The following DNAH11 variants were observed in gnomAD, a reference collection of about 807,000 sequenced individuals.
DNAH11 encodes the protein axonemal beta dynein heavy chain 11.
A neutral mutation model predicts 526.0 loss-of-function variants in DNAH11; 442 were observed. The observed-to-expected ratio is 0.84, with a 90% CI of 0.78 to 0.91. DNAH11 has a LOEUF of 0.91. Among genes scored for constraint, DNAH11 ranks in the 40% least tolerant of loss-of-function variants. DNAH11 has a pLI of 0.00. For synonymous variants in DNAH11, 2,461 were observed against 1,935.9 expected, an observed-to-expected ratio of 1.27 and a Z score of -7.12; for missense variants, 6,989 against 5,448.7, an observed-to-expected ratio of 1.28 and a Z score of -8.90.
At chr7:21,866,178 C>A (rs183671632) in intron 70 of DNAH11, among the ~76,000 whole-genome samples, 1 of 152,138 alleles carries the variant, frequency 6.6e-6, no homozygotes, top group African/African-American at 2.4e-5. Flanking sequence ...GTGGTTCAAA[C>A]GCCTCTGACA....
At chr7:21,647,414 A>G (rs1268724411) in intron 28 of DNAH11, among the ~76,000 whole-genome samples, 2 of 146,556 alleles carry the variant, frequency 1.4e-5, no homozygotes, top group African/African-American at 5.0e-5. Context: ...GTGGAGTAGC[A>G]ATTTCTTTCT....
intron 25 of DNAH11, among the ~76,000 whole-genome samples, chr7:21,621,523 A>G (rs1583536921): frequency 1.3e-5 from 2 of 152,168 alleles, no homozygotes; most frequent in Non-Finnish European, 2.9e-5. Flanking sequence ...CAACCAAAAA[A>G]GAGAATTTTA....
intron 18 of DNAH11, 74 bp downstream of exon 18, chr7:21,601,692 T>C (rs1583518305): frequency 8.8e-7 from 1 of 1,138,944 alleles, no homozygotes; most frequent in East Asian, 2.6e-5. Context: ...TTACATGTAC[T>C]CTCTTATGAT....
At chr7:21,576,842 T>A (rs1225236056) in intron 8 of DNAH11, among the ~76,000 whole-genome samples, 1 of 152,178 alleles carries the variant, frequency 6.6e-6, no homozygotes, top group African/African-American at 2.4e-5. Flanking sequence ...ATGGGAAAGA[T>A]TGAAACTTAC....
chr7:21,819,375 C>A (rs1231995274), intron 65 of DNAH11, among the ~76,000 whole-genome samples: 1 of 152,058 alleles, frequency 6.6e-6, no homozygotes, highest in African/African-American at 2.4e-5. Context: ...CTAAGTAAAT[C>A]CATTTAGAGT....
rs1788973503 is a variant in DNAH11 at position 21,801,159 on chromosome 7, G to A, written c.10049G>A (p.Arg3350Lys). 2.5e-6 allele frequency: 4 copies of A among 1,610,672 alleles called. No homozygotes were observed. Among genetic ancestry groups the A allele is most frequent in the African/African-American group, 2.7e-5 (2 of 74,876 alleles). ...CAGGATCTGGATCGAAATCTGAGCA[G>A]ACTCACGGCTTCATTTGAAAAAGCA... ...KLVDLDRNLS[R>K]LTASFEKATA... The change falls in exon 62 of 82, where the codon AGA becomes AAA. Residue 3350 changes from arginine to lysine, a missense_variant. Coordinates refer to ENST00000409508, the MANE Select transcript of DNAH11 (RefSeq NM_001277115.2).
chr7:21,591,079 T>C (rs1339088233), intron 13 of DNAH11, 57 bp downstream of exon 13: 1 of 1,374,908 alleles, frequency 7.3e-7, no homozygotes, highest in African/African-American at 1.5e-5. Flanking sequence ...ATAAATATTT[T>C]GAATTTTAAT....
intron 30 of DNAH11, among the ~76,000 whole-genome samples, chr7:21,673,661 T>C (rs1782734540): frequency 6.6e-6 from 1 of 152,132 alleles, no homozygotes; most frequent in South Asian, 2.1e-4. Flanking sequence ...CCATCAGTAA[T>C]TAAACATGCC....
At chr7:21,720,635 C>A (rs1583626015) in intron 43 of DNAH11, 90 bp from the exon 44 acceptor site, 1 of 1,386,128 alleles carries the variant, frequency 7.2e-7, no homozygotes, top group East Asian at 2.7e-5. Context: ...TATGTACTCT[C>A]TTAAGGATAA....
chr7:21,596,877 A>C (rs1195989889), intron 14 of DNAH11, among the ~76,000 whole-genome samples: 1 of 152,200 alleles, frequency 6.6e-6, no homozygotes, highest in Non-Finnish European at 1.5e-5. Context: ...AATGGAAATG[A>C]AATGATTATT....
intron 65 of DNAH11, among the ~76,000 whole-genome samples, chr7:21,841,265 A>C (rs1291638356): frequency 1.3e-5 from 2 of 152,224 alleles, no homozygotes; most frequent in Non-Finnish European, 2.9e-5. Context: ...TTTAAGATAC[A>C]TAAGTATATT....
chr7:21,760,634 A>G (rs1267018691), intron 54 of DNAH11, among the ~76,000 whole-genome samples: 6 of 152,198 alleles, frequency 3.9e-5, no homozygotes, highest in Non-Finnish European at 7.3e-5. Context: ...TTTGCTTCAT[A>G]TATCTTGAGC....
chr7:21,770,640 C>T (rs1787398442), intron 55 of DNAH11, among the ~76,000 whole-genome samples: 1 of 152,128 alleles, frequency 6.6e-6, no homozygotes, highest in Admixed American at 6.6e-5. Context: ...GACACCAGAG[C>T]CCATAGTCTT....
intron 45 of DNAH11, among the ~76,000 whole-genome samples, chr7:21,734,894 G>T (rs774276102): frequency 6.6e-6 from 1 of 151,060 alleles, no homozygotes; most frequent in South Asian, 2.1e-4. Context: ...ACAATCAACC[G>T]GGTGCAGTGG....
At position 21,795,963 on chromosome 7, in the gene DNAH11, C is replaced by T. The variant is rs116905883; in HGVS notation, c.10027-5174C>T. Among the ~76,000 whole-genome samples, 548 of 139,256 alleles carry T rather than the reference C, an allele frequency of 3.9e-3. 2 individuals are homozygous for T. Among genetic ancestry groups the T allele is most frequent in the Non-Finnish European group, 7.2e-3 (467 of 65,098 alleles). The allele number at this position is 139,256 out of a possible 152,430, so 91.4% of individuals were successfully genotyped here. A position where few individuals can be genotyped will look rare whatever the true frequency, so the allele number is the denominator to read the frequency against. ...AAGGGCATTTCAAGAAAGAGGGTCA[C>T]GTGTCCTGTGGACAGTGAGTACCTC... On this transcript the variant is annotated intron_variant, in intron 61 of 81. Transcript: ENST00000409508.
intron 25 of DNAH11, among the ~76,000 whole-genome samples, chr7:21,630,642 T>C (rs139613960): frequency 4.3e-4 from 65 of 152,336 alleles, no homozygotes; most frequent in African/African-American, 1.5e-3. Flanking sequence ...ACTTTGAAAA[T>C]GTCATTCCAC....
intron 65 of DNAH11, among the ~76,000 whole-genome samples, chr7:21,827,885 A>T (rs1007420416): frequency 3.3e-5 from 5 of 152,148 alleles, no homozygotes; most frequent in African/African-American, 1.2e-4. Flanking sequence ...AACATGTTAA[A>T]TTGAACGCTA....
At chr7:21,745,481 A>G (rs535962081) in intron 51 of DNAH11, among the ~76,000 whole-genome samples, 3 of 152,302 alleles carry the variant, frequency 2.0e-5, no homozygotes, top group South Asian at 4.1e-4. Context: ...AGAAAATTAG[A>G]AAAAGGCATC....
intron 25 of DNAH11, among the ~76,000 whole-genome samples, chr7:21,630,620 G>T (rs923563501): frequency 6.6e-6 from 1 of 152,114 alleles, no homozygotes; most frequent in Non-Finnish European, 1.5e-5. Flanking sequence ...TTGTTTTGTT[G>T]TTACATTTAG....
Sources: allele counts gnomAD v4.1 joint callset (sites outside exome capture counted in the v4.1 genomes callset), GRCh38; gene constraint gnomAD v4.1.1; transcripts MANE v1.5; gene names NCBI Gene and HGNC (gene_info 2026-07-23, HGNC 2026-07-21).